TNS1: variants seen among roughly 807,000 people sequenced by gnomAD.
TNS1 encodes the protein tensin 1.
Under a neutral mutation model 168.6 loss-of-function variants are expected in TNS1, and 62 were observed. That is an observed-to-expected ratio of 0.37 (90% CI 0.30 to 0.45). TNS1 has a LOEUF of 0.45. TNS1 is among the 20% of genes least tolerant of loss of function. TNS1 has a pLI of 1.00. For missense variants in TNS1, 2,240 were observed against 2,339.4 expected, an observed-to-expected ratio of 0.96 and a Z score of 0.88; for synonymous variants, 934 against 933.2, an observed-to-expected ratio of 1.00 and a Z score of -0.02.
chr2:217,987,336 A>C (rs114379247), intron 2 of TNS1, among the ~76,000 whole-genome samples: 2,489 of 152,240 alleles, frequency 0.016, 57 homozygotes, highest in African/African-American at 0.056. Flanking sequence ...ACAGGTCCGG[A>C]GGAACCCCTT....
chr2:217,950,598 C>G (rs1957215648), intron 3 of TNS1, among the ~76,000 whole-genome samples: 1 of 150,124 alleles, frequency 6.7e-6, no homozygotes, highest in Non-Finnish European at 1.5e-5. Flanking sequence ...TGCTGGCCAG[C>G]TGGTTCCCAC....
intron 18 of TNS1, among the ~76,000 whole-genome samples, chr2:217,854,125 C>T (rs1481250672): frequency 6.6e-6 from 1 of 152,208 alleles, no homozygotes; most frequent in African/African-American, 2.4e-5. Context: ...GCCAGCTCTC[C>T]AGGGGTCCTG....
upstream of TNS1, chr2:218,003,008 G>A (rs930759029): frequency 2.7e-5 from 12 of 443,386 alleles, no homozygotes; most frequent in East Asian, 4.9e-4. Context: ...TGGGCCTCTC[G>A]CCCTGCTGCC....
chr2:218,032,111 G>A lies in TNS1; in HGVS notation c.156+1709C>T, dbSNP rs1210275586. Among the ~76,000 whole-genome samples the A allele has an allele frequency of 6.6e-6, 1 of 152,234 alleles. No individual in the cohort carries two copies. Among genetic ancestry groups the A allele is most frequent in the Non-Finnish European group, 1.5e-5 (1 of 68,042 alleles). On this transcript the variant is annotated intron_variant, in intron 1 of 1. Coordinates refer to the TNS1 transcript ENST00000649572. This position sits in a 1 kb window ranked among gnomAD's most constrained non-coding sequence, Gnocchi z 4.0. Reference sequence around the variant, plus strand: ...GAGGCTGACATGTGGGACCATAGGAGGGCTCAGGGTGTAGGGCAGTTGTGG... The same window carrying A: ...GAGGCTGACATGTGGGACCATAGGAAGGCTCAGGGTGTAGGGCAGTTGTGG...
upstream of TNS1, among the ~76,000 whole-genome samples, chr2:218,003,192 C>G (rs962887607): frequency 6.6e-6 from 1 of 151,556 alleles, no homozygotes; most frequent in African/African-American, 2.4e-5. Context: ...AGGGCCCCCC[C>G]AGGCCGTGCC....
Position 217,847,596 on chromosome 2 carries a change from G to A in TNS1, c.2921C>T (p.Ser974Leu). The A allele has an allele frequency of 6.5e-7, 1 of 1,528,462 alleles. No individual in the cohort carries two copies. 94.7% of individuals were successfully genotyped at this position (1,528,462 alleles called of 1,614,324 possible). A position where few individuals can be genotyped will look rare whatever the true frequency, so the allele number is the denominator to read the frequency against. ...LPGLTAQPLL[S>L]PKEATSDPSR... ...GGGGTCTGAAGTCGCTTCCTTTGGT[G>A]AGAGCAGAGGCTGAGCAGTGAGGCC... Residue 974 changes from serine to leucine, a missense_variant, in exon 19 of 33, where the codon TCA becomes TTA. Ser to Leu is a moderately radical substitution (Grantham distance 145, BLOSUM62 -2). Transcript: ENST00000682258.
intron 22 of TNS1, among the ~76,000 whole-genome samples, chr2:217,825,479 C>T (rs1286624495): frequency 6.6e-6 from 1 of 152,204 alleles, no homozygotes; most frequent in Non-Finnish European, 1.5e-5. Flanking sequence ...ATCAACTGTC[C>T]TAGGTTGCTC....
chr2:217,882,499 C>T lies in TNS1; in HGVS notation c.1247-88G>A, dbSNP rs1950778149. ...TTTTCTTCTAGAAAAAATTAAAATA[C>T]CATATATGTACATGGTTAATAATAT... On this transcript the variant is annotated intron_variant, in intron 16 of 32. Coordinates refer to ENST00000682258, the MANE Select transcript of TNS1 (RefSeq NM_001387777.1). 4 of 752,666 alleles carry T rather than the reference C, an allele frequency of 5.3e-6. No individual in the cohort carries two copies. The African/African-American group carries it at 7.1e-5, about 13-fold the overall frequency. The allele number at this position is 752,666 out of a possible 1,614,324, so 46.6% of individuals were successfully genotyped here.
chr2:217,982,558 C>T (rs1385187788), intron 2 of TNS1, among the ~76,000 whole-genome samples: 1 of 152,100 alleles, frequency 6.6e-6, no homozygotes, highest in Non-Finnish European at 1.5e-5. Flanking sequence ...CATGTGCCAC[C>T]ATGCCCTGCT....
At position 217,836,030 on chromosome 2, in the gene TNS1, T is replaced by G; in HGVS notation, c.3189A>C (p.Gly1063=). The G allele has an allele frequency of 1.2e-6, 2 of 1,613,544 alleles. No individual in the cohort carries two copies. Among genetic ancestry groups the G allele is most frequent in the Non-Finnish European group, 1.7e-6 (2 of 1,179,600 alleles). ...ELALTIALNP[G]GRPKEPHLHS... Reference sequence around the variant, plus strand: ...AAGGACTCACCTCTTTGGGCCGCCCTCCAGGATTGAGAGCGATGGTAAGAG... The same window carrying G: ...AAGGACTCACCTCTTTGGGCCGCCCGCCAGGATTGAGAGCGATGGTAAGAG... The change falls in exon 20 of 33, where the codon GGA becomes GGC. Residue 1063 remains glycine, a synonymous_variant. Coordinates refer to ENST00000682258, the MANE Select transcript of TNS1 (RefSeq NM_001387777.1).
chr2:217,942,216 TC>T (rs981663184), intron 3 of TNS1, among the ~76,000 whole-genome samples: 19 of 152,030 alleles, frequency 1.2e-4, no homozygotes, highest in Non-Finnish European at 2.5e-4. Flanking sequence ...CCAGGTTGCC[TC>T]CTCCACCGCC....
rs1448294084 is a variant in TNS1 at position 217,809,514 on chromosome 2, T to C, written c.5273+309A>G. On this transcript the variant is annotated intron_variant, in intron 30 of 32. Transcript: ENST00000682258. ...ATGCATGGATGGATGCATGGATGGA[T>C]GGATGGATAGGTGCATGGATGGATG... Among the ~76,000 whole-genome samples the C allele has an allele frequency of 2.9e-3, 256 of 89,490 alleles. 45 individuals carry two copies. The highest frequency in any genetic ancestry group is 6.0e-3 in the Middle Eastern group (1 of 166). The allele number at this position is 89,490 out of a possible 152,430, so 58.7% of individuals were successfully genotyped here. A position where few individuals can be genotyped will look rare whatever the true frequency, so the allele number is the denominator to read the frequency against.
intron 4 of TNS1, among the ~76,000 whole-genome samples, chr2:217,917,871 C>A (rs1416049373): frequency 4.8e-5 from 7 of 146,058 alleles, no homozygotes; most frequent in Admixed American, 2.1e-4. Flanking sequence ...GGGGAAAAGC[C>A]TTGTGGGTAT....
chr2:217,923,407 T>C (rs1342945954), intron 3 of TNS1, among the ~76,000 whole-genome samples: 4 of 152,268 alleles, frequency 2.6e-5, no homozygotes, highest in African/African-American at 7.2e-5. Flanking sequence ...GGCACTGTTC[T>C]CAGCAGTTTG....
At chr2:218,015,075 C>T (rs1958745966), upstream of TNS1, among the ~76,000 whole-genome samples, 1 of 152,154 alleles carries the variant, frequency 6.6e-6, no homozygotes, top group Non-Finnish European at 1.5e-5. Context: ...TCTTTAGGCA[C>T]CTCCACTCCA....
intron 4 of TNS1, 58 bp from the exon 5 acceptor site, chr2:217,907,309 T>A (rs1953829546): frequency 1.4e-6 from 1 of 701,866 alleles, no homozygotes; most frequent in Non-Finnish European, 2.6e-6. Context: ...AGGGATGGGC[T>A]CTCTCCCCAT....
At chr2:217,828,941 G>A (rs753687358) in intron 22 of TNS1, among the ~76,000 whole-genome samples, 6 of 152,200 alleles carry the variant, frequency 3.9e-5, no homozygotes, top group Non-Finnish European at 7.3e-5. Flanking sequence ...TGCGCCAGGA[G>A]AATTATCCCC....
chr2:217,831,403 G>A (rs1944398211), intron 22 of TNS1, 52 bp downstream of exon 22: 5 of 1,465,796 alleles, frequency 3.4e-6, no homozygotes, highest in Non-Finnish European at 1.8e-6. Flanking sequence ...CAGAACCACA[G>A]GAGTCCTCCT....
chr2:217,823,289 C>G (rs1360466102), intron 22 of TNS1, among the ~76,000 whole-genome samples: 3 of 152,194 alleles, frequency 2.0e-5, no homozygotes, highest in Non-Finnish European at 4.4e-5. Flanking sequence ...GACAATAGGA[C>G]AGTGTATGGG....
Sources: allele counts gnomAD v4.1 joint callset (sites outside exome capture counted in the v4.1 genomes callset), GRCh38; gene constraint gnomAD v4.1.1; non-coding constraint Gnocchi (gnomAD v3.1); transcripts MANE v1.5; gene names NCBI Gene and HGNC (gene_info 2026-07-23, HGNC 2026-07-21).